The following TOP1MT variants were observed in gnomAD, a reference collection of about 807,000 sequenced individuals.
The protein encoded by TOP1MT is DNA topoisomerase I mitochondrial.
TOP1MT carries 80 observed loss-of-function variants against 73.9 expected under a neutral mutation model. The ratio of observed to expected loss-of-function variants is 1.08; its 90% CI spans 0.90 to 1.30. The LOEUF (loss-of-function observed/expected upper bound fraction) is 1.30, where lower values mean the gene tolerates loss of function less well. Among genes scored for constraint, TOP1MT ranks in the 50% most tolerant of loss-of-function variants. The pLI, the probability that TOP1MT is intolerant of heterozygous loss-of-function variation, is 0.00. For missense variants in TOP1MT, 815 were observed against 808.0 expected, an observed-to-expected ratio of 1.01 and a Z score of -0.10; for synonymous variants, 338 against 326.4, an observed-to-expected ratio of 1.04 and a Z score of -0.38.
intron 1 of TOP1MT, among the ~76,000 whole-genome samples, chr8:143,350,485 C>T (rs1037546052): frequency 6.6e-6 from 1 of 152,190 alleles, no homozygotes; most frequent in Non-Finnish European, 1.5e-5. Flanking sequence ...GCGCCTGCCA[C>T]CATGCCTGGC....
upstream of TOP1MT, among the ~76,000 whole-genome samples, chr8:143,346,433 A>C (rs570425829): frequency 6.6e-6 from 1 of 152,328 alleles, no homozygotes; most frequent in African/African-American, 2.4e-5. Flanking sequence ...AGATCTCACA[A>C]AATGATTTTT....
chr8:143,348,785 AGAAAAC>A (rs1817272911), upstream of TOP1MT, among the ~76,000 whole-genome samples: 1 of 152,190 alleles, frequency 6.6e-6, no homozygotes, highest in African/African-American at 2.4e-5. The surrounding 1 kb of genome is among the most constrained non-coding windows in gnomAD (Gnocchi z 4.6). Flanking sequence ...ACAGCCAGCC[AGAAAAC>A]GGCCCTTGGT....
chr8:143,319,911 G>A (rs1301094601), intron 8 of TOP1MT, among the ~76,000 whole-genome samples: 2 of 151,784 alleles, frequency 1.3e-5, no homozygotes, highest in Non-Finnish European at 2.9e-5. Context: ...AGATCACGAG[G>A]TCAAGAGTTC....
At position 143,354,172 on chromosome 8, in the gene TOP1MT, CG is replaced by C. The variant is rs147375325; in HGVS notation, c.-39+1792del. On this transcript the variant is annotated intron_variant, in intron 1 of 5. Coordinates refer to the TOP1MT transcript ENST00000518760. ...AACAACCCAAATGTACATCAGCAGA[CG>C]AACGGATCAACGAATCCCAGATATA... Among the ~76,000 whole-genome samples the C allele has an allele frequency of 2.0e-3, 302 of 151,982 alleles. 3 individuals are homozygous for C. Among genetic ancestry groups the C allele is most frequent in the African/African-American group, 7.0e-3 (290 of 41,350 alleles).
At chr8:143,310,399 G>T in intron 12 of TOP1MT, 182 bp from the exon 13 acceptor site, 1 of 514,394 alleles carries the variant, frequency 1.9e-6, no homozygotes, top group Non-Finnish European at 3.4e-6. Context: ...CCCCACCCCA[G>T]CTGCCAAGTC....
At chr8:143,329,516 C>A in intron 2 of TOP1MT, 45 bp from the exon 3 acceptor site, 1 of 1,587,012 alleles carries the variant, frequency 6.3e-7, no homozygotes, top group Non-Finnish European at 8.5e-7. Context: ...CGGCCAGAGG[C>A]TCGGCCTCCA....
intron 2 of TOP1MT, among the ~76,000 whole-genome samples, chr8:143,330,571 G>A (rs1214641745): frequency 6.6e-6 from 1 of 152,244 alleles, no homozygotes; most frequent in East Asian, 1.9e-4. Context: ...CTGGTGGGAG[G>A]GGCACAGCAT....
chr8:143,359,333 A>C, upstream of TOP1MT: 1 of 985,458 alleles, frequency 1.0e-6, no homozygotes, highest in Non-Finnish European at 1.2e-6. Flanking sequence ...ACGCCAGGAG[A>C]AGAGAAGGGC....
At chr8:143,343,222 G>A (rs1357807189) in exon 2 of TOP1MT, 1 of 456,230 alleles carries the variant, frequency 2.2e-6, no homozygotes, top group Non-Finnish European at 4.4e-6. Context: ...ATGCCGACTT[G>A]GCCTTTTTTC....
At chr8:143,329,255 A>T in intron 3 of TOP1MT, 95 bp downstream of exon 3, 1 of 1,389,392 alleles carries the variant, frequency 7.2e-7, no homozygotes, top group South Asian at 1.5e-5. Context: ...GGCCACCGAG[A>T]ACTTGCGAGG....
intron 12 of TOP1MT, 52 bp downstream of exon 12, chr8:143,315,675 A>G: frequency 1.4e-6 from 2 of 1,471,874 alleles, no homozygotes; most frequent in African/African-American, 1.4e-5. Flanking sequence ...GCTGGACCCT[A>G]CGGGTTGGGA....
chr8:143,328,196 A>G, intron 3 of TOP1MT: 2 of 454,700 alleles, frequency 4.4e-6, no homozygotes, highest in South Asian at 3.1e-5. Context: ...TACTCACCAT[A>G]AAAGACAGAT....
At chr8:143,334,908 G>A, upstream of TOP1MT, 1 of 1,359,258 alleles carries the variant, frequency 7.4e-7, no homozygotes, top group South Asian at 1.7e-5. Context: ...CGCCCCAGCG[G>A]CCAGCCCCGC....
At chr8:143,322,995 C>CCA (rs1169965670) in intron 7 of TOP1MT, among the ~76,000 whole-genome samples, 3 of 119,380 alleles carry the variant, frequency 2.5e-5, no homozygotes, top group Non-Finnish European at 3.3e-5. Flanking sequence ...CACACGCACG[C>CCA]CACACACAGG....
upstream of TOP1MT, chr8:143,334,947 G>A (rs1413936165): frequency 6.0e-6 from 7 of 1,173,452 alleles, no homozygotes; most frequent in Non-Finnish European, 7.2e-6. Flanking sequence ...CCCCGCCCCC[G>A]AGCGCGGCCT....
intron 1 of TOP1MT, chr8:143,355,415 A>G (rs560183973): frequency 4.6e-5 from 7 of 152,326 alleles, no homozygotes; most frequent in African/African-American, 1.2e-4. Context: ...CCGTTTTTCC[A>G]TCGGGCTCTT....
chr8:143,321,634 AGG>A (rs1372012833), intron 7 of TOP1MT, among the ~76,000 whole-genome samples: 14,271 of 64,950 alleles, frequency 0.22, 3,353 homozygotes, highest in East Asian at 0.54. Flanking sequence ...CGCCACACAC[AGG>A]CACGCCACAC....
At chr8:143,310,026 C>G (rs372072101) in intron 13 of TOP1MT, 42 bp downstream of exon 13, 131 of 1,603,698 alleles carry the variant, frequency 8.2e-5, no homozygotes, top group Non-Finnish European at 1.0e-4. Flanking sequence ...CCCAGGCCCC[C>G]CATAGGCCAC....
At chr8:143,325,609 G>T in intron 4 of TOP1MT, 76 bp from the exon 5 acceptor site, 1 of 1,383,610 alleles carries the variant, frequency 7.2e-7, no homozygotes, top group Non-Finnish European at 1.0e-6. Flanking sequence ...TTGCTAACCC[G>T]GGACCACCCT....
Sources: allele counts gnomAD v4.1 joint callset (sites outside exome capture counted in the v4.1 genomes callset), GRCh38; gene constraint gnomAD v4.1.1; non-coding constraint Gnocchi (gnomAD v3.1); transcripts MANE v1.5; gene names NCBI Gene and HGNC (gene_info 2026-07-23, HGNC 2026-07-21).